The following RAD51B variants were observed in gnomAD, a reference collection of about 807,000 sequenced individuals.
The protein encoded by RAD51B is DNA repair protein RAD51 homolog 2.
In RAD51B, 38 loss-of-function variants were observed where a neutral mutation model predicts 42.2. The ratio of observed to expected loss-of-function variants is 0.90; its 90% CI spans 0.70 to 1.18. The LOEUF is 1.18. Ranked by LOEUF, RAD51B falls within the 50% of genes most tolerant of loss-of-function variation. The pLI is 0.00. For synonymous variants in RAD51B, 154 were observed against 145.2 expected (o/e 1.06, Z -0.43); for missense variants, 373 against 400.7 (o/e 0.93, Z 0.59).
chr14:68,427,807 G>C (rs779905828), intron 9 of RAD51B, among the ~76,000 whole-genome samples: 2 of 152,170 alleles, frequency 1.3e-5, no homozygotes, highest in Non-Finnish European at 2.9e-5. Flanking sequence ...ATGTGAGAAG[G>C]ACATGAATTT....
intron 9 of RAD51B, among the ~76,000 whole-genome samples, chr14:68,453,659 A>T (rs1174807509): frequency 2.0e-5 from 3 of 152,122 alleles, no homozygotes; most frequent in Admixed American, 6.5e-5. Context: ...CCAGATGGTG[A>T]GTCTACAGCC....
At chr14:68,429,901 A>T (rs1594824764) in intron 9 of RAD51B, among the ~76,000 whole-genome samples, 1 of 151,624 alleles carries the variant, frequency 6.6e-6, no homozygotes, top group East Asian at 1.9e-4. Context: ...TAAGTCTTTA[A>T]TCCATCTTGA....
At chr14:67,925,914 G>T (rs2044490459) in intron 7 of RAD51B, among the ~76,000 whole-genome samples, 1 of 152,190 alleles carries the variant, frequency 6.6e-6, no homozygotes, top group South Asian at 2.1e-4. Context: ...GGCTGGAGTG[G>T]CTGGAATGCA....
intron 10 of RAD51B, among the ~76,000 whole-genome samples, chr14:68,487,815 A>G (rs1883748525): frequency 6.6e-6 from 1 of 152,114 alleles, no homozygotes; most frequent in African/African-American, 2.4e-5. Flanking sequence ...CTCATTAATT[A>G]CCTTCTTTTA....
chr14:68,668,100 T>C (rs1450271936), intron 11 of RAD51B, among the ~76,000 whole-genome samples: 2 of 152,158 alleles, frequency 1.3e-5, no homozygotes, highest in African/African-American at 2.4e-5. Flanking sequence ...GTCTGGGAAA[T>C]ATCTGCTTCA....
At chr14:67,903,382 A>G (rs796919378) in intron 7 of RAD51B, among the ~76,000 whole-genome samples, 26 of 152,296 alleles carry the variant, frequency 1.7e-4, no homozygotes, top group African/African-American at 6.0e-4. Context: ...TATTTGCCTT[A>G]AGAAGTTAAA....
chr14:68,363,664 T>C (rs999563172), intron 8 of RAD51B, among the ~76,000 whole-genome samples: 1 of 152,118 alleles, frequency 6.6e-6, no homozygotes, highest in Non-Finnish European at 1.5e-5. Context: ...AGGAGGAGGG[T>C]TGGGCCGGTA....
chr14:68,500,442 G>T (rs1244886852), intron 10 of RAD51B, among the ~76,000 whole-genome samples: 1 of 152,236 alleles, frequency 6.6e-6, no homozygotes, highest in Non-Finnish European at 1.5e-5. Context: ...TATTACAGAA[G>T]GCTCAAGACC....
At chr14:67,874,650 A>G (rs1310175673) in intron 5 of RAD51B, among the ~76,000 whole-genome samples, 1 of 152,012 alleles carries the variant, frequency 6.6e-6, no homozygotes, top group Non-Finnish European at 1.5e-5. Context: ...TGATCCAGAG[A>G]AGATCTGCTG....
intron 7 of RAD51B, among the ~76,000 whole-genome samples, chr14:67,894,801 A>G (rs2043353974): frequency 1.3e-5 from 2 of 151,974 alleles, no homozygotes; most frequent in Admixed American, 1.3e-4. Flanking sequence ...TTATTTTTTG[A>G]GACAAGGTCT....
intron 8 of RAD51B, among the ~76,000 whole-genome samples, chr14:68,371,804 T>C (rs1005421293): frequency 8.5e-5 from 13 of 152,208 alleles, no homozygotes; most frequent in African/African-American, 3.1e-4. Context: ...TGAGCCCTGA[T>C]TGTGCCACTG....
intron 11 of RAD51B, among the ~76,000 whole-genome samples, chr14:68,674,162 T>C (rs566189668): frequency 8.7e-5 from 12 of 138,410 alleles, no homozygotes; most frequent in African/African-American, 3.5e-4. Context: ...CACACATATA[T>C]ACACACATAC....
In RAD51B at chr14:68,338,653, A is replaced by AT. The variant is rs369191498; in HGVS notation, c.853+46681dup. ...CAAAGTGTATCTTTATGCTTGCCATATTTTTTTTCTTTTTTGAAGGAAATT... is the reference window on the plus strand; with the variant it reads ...CAAAGTGTATCTTTATGCTTGCCATATTTTTTTTTCTTTTTTGAAGGAAATT... On this transcript the variant is annotated intron_variant, in intron 8 of 10. Coordinates refer to ENST00000471583, the MANE Select transcript of RAD51B (RefSeq NM_133510.4). 1,338 of 311,258 alleles carry AT rather than the reference A, an allele frequency of 4.3e-3. 18 individuals are homozygous for AT. The highest frequency in any genetic ancestry group is 0.028 in the African/African-American group (1,279 of 45,354). 19.3% of individuals were successfully genotyped at this position (311,258 alleles called of 1,614,324 possible). A position where few individuals can be genotyped will look rare whatever the true frequency, so the allele number is the denominator to read the frequency against.
chr14:68,423,607 C>T (rs867483430), intron 9 of RAD51B, among the ~76,000 whole-genome samples: 6 of 152,224 alleles, frequency 3.9e-5, no homozygotes, highest in Non-Finnish European at 7.3e-5. Context: ...TACACTCCCT[C>T]TTTTATATCC....
chr14:68,325,951 T>A lies in RAD51B; in HGVS notation c.853+33971T>A, dbSNP rs181560608. Among the ~76,000 whole-genome samples the A allele has an allele frequency of 2.9e-3, 438 of 152,226 alleles. 2 individuals carry two copies. Among genetic ancestry groups the A allele is most frequent in the African/African-American group, 9.6e-3 (398 of 41,548 alleles). ...GAATGGAAAAATGGTAAGACATGGTTCTTGCTGTTGAGGTGCTTAGTTGTA... is the reference window on the plus strand; with the variant it reads ...GAATGGAAAAATGGTAAGACATGGTACTTGCTGTTGAGGTGCTTAGTTGTA... On this transcript the variant is annotated intron_variant, in intron 8 of 10. Transcript: ENST00000471583.
At chr14:68,668,305 C>T (rs546198397) in intron 11 of RAD51B, among the ~76,000 whole-genome samples, 116 of 152,334 alleles carry the variant, frequency 7.6e-4, no homozygotes, top group Non-Finnish European at 1.4e-3. Flanking sequence ...TGTCCACAGC[C>T]TCATGAGAGT....
At chr14:68,429,826 C>T (rs2084953660) in intron 9 of RAD51B, among the ~76,000 whole-genome samples, 1 of 147,712 alleles carries the variant, frequency 6.8e-6, no homozygotes, top group Non-Finnish European at 1.5e-5. Context: ...CTTACCCATG[C>T]CTATGTCCTG....
intron 7 of RAD51B, among the ~76,000 whole-genome samples, chr14:68,211,318 C>A (rs2079702058): frequency 6.6e-6 from 1 of 152,164 alleles, no homozygotes; most frequent in South Asian, 2.1e-4. Context: ...TCTCTCTAAT[C>A]ACATTGCCCT....
chr14:68,082,131 T>A (rs1194323457), intron 7 of RAD51B, among the ~76,000 whole-genome samples: 4 of 151,972 alleles, frequency 2.6e-5, no homozygotes. Context: ...TGGCTAATTC[T>A]TTGTGGTTTT....
Sources: allele counts gnomAD v4.1 joint callset (sites outside exome capture counted in the v4.1 genomes callset), GRCh38; gene constraint gnomAD v4.1.1; transcripts MANE v1.5; gene names NCBI Gene and HGNC (gene_info 2026-07-23, HGNC 2026-07-21).